The following HINFP variants were observed in gnomAD, a reference collection of about 807,000 sequenced individuals.
HINFP encodes the protein histone H4 transcription factor.
HINFP carries 20 observed loss-of-function variants against 50.1 expected under a neutral mutation model. That is an observed-to-expected ratio of 0.40 (90% CI 0.28 to 0.58). The LOEUF is 0.58. Among genes scored for constraint, HINFP ranks in the 20% least tolerant of loss-of-function variants. The pLI, the probability that HINFP is intolerant of heterozygous loss-of-function variation, is 0.45. For synonymous variants in HINFP, 247 were observed against 243.7 expected (o/e 1.01, Z -0.13); for missense variants, 505 against 664.1 (o/e 0.76, Z 2.63).
At chr11:119,127,386 T>A in intron 2 of HINFP, 1 of 310,286 alleles carries the variant, frequency 3.2e-6, no homozygotes, top group Non-Finnish European at 5.9e-6. Context: ...TCTCTCTGCC[T>A]GTGTTTACAT....
In HINFP at chr11:119,130,894, G is replaced by A; in HGVS notation, c.351G>A (p.Gln117=). The stretch of plus-strand genomic sequence containing the variant: ...TTGGCCCCTGCATCCTGGACTTCCA[G>A]AGCCGGAACGTCATCCCTGATATCC... ...ADLGPCILDF[Q]SRNVIPDIPD... Residue 117 remains glutamine (Q), a synonymous_variant, in exon 3 of 10, where the codon CAG becomes CAA. Transcript: ENST00000350777. The A allele has an allele frequency of 6.2e-7, 1 of 1,614,220 alleles. No homozygotes were observed.
chr11:119,132,067 G>A (rs1393907487), intron 5 of HINFP, 85 bp downstream of exon 5: 1 of 1,463,418 alleles, frequency 6.8e-7, no homozygotes, highest in Non-Finnish European at 9.4e-7. Context: ...GGTGGCCACT[G>A]AAGAGACCTG....
In HINFP at chr11:119,127,007, C is replaced by G. The variant is rs762722469; in HGVS notation, c.63C>G (p.Ser21=). Residue 21 remains serine, a synonymous_variant, in exon 2 of 10, where the codon TCC becomes TCG. Coordinates refer to ENST00000350777, the MANE Select transcript of HINFP (RefSeq NM_198971.3). ...ENLWLQCEWG[S]CSFVCSTMEK... is the part of the protein sequence containing the mutation. ...TGTGGCTACAGTGTGAGTGGGGGTC[C>G]TGCTCCTTTGTGTGCTCAACCATGG... 6.2e-7 allele frequency: 1 copy of G among 1,614,156 alleles called. No homozygotes were observed. The highest frequency in any genetic ancestry group is 1.1e-5 in the South Asian group (1 of 91,080).
Position 119,131,099 on chromosome 11 carries a change from AT to A in HINFP, c.411+151del. 1.3e-6 allele frequency: 1 copy of A among 772,268 alleles called. No individual in the cohort carries two copies. The highest frequency in any genetic ancestry group is 2.2e-6 in the Non-Finnish European group (1 of 448,002). The allele number at this position is 772,268 out of a possible 1,614,324, so 47.8% of individuals were successfully genotyped here. ...TCTTTTGCTCTTTTAAAATTTGTTT[AT>A]TTTTTACACACAGGCTCTTGATCTG... On this transcript the variant is annotated intron_variant, in intron 3 of 9. Coordinates refer to ENST00000350777, the MANE Select transcript of HINFP (RefSeq NM_198971.3). The surrounding 1 kb of genome is among the most constrained non-coding windows in gnomAD (Gnocchi z 4.2).
intron 1 of HINFP, among the ~76,000 whole-genome samples, chr11:119,123,186 A>G (rs924682210): frequency 1.3e-5 from 2 of 149,322 alleles, no homozygotes; most frequent in African/African-American, 4.9e-5. Context: ...AGGAGAATGT[A>G]GAGTATTCAG....
intron 2 of HINFP, among the ~76,000 whole-genome samples, chr11:119,127,678 C>T (rs1372992750): frequency 1.3e-5 from 2 of 151,764 alleles, no homozygotes; most frequent in Non-Finnish European, 2.9e-5. Flanking sequence ...GTTAGGACTG[C>T]AGGCATGTAC....
In HINFP at chr11:119,121,585, T is replaced by C. The variant is rs1005341684; in HGVS notation, c.-65T>C. 15 of 152,356 alleles carry C rather than the reference T, an allele frequency of 9.8e-5. No homozygotes were observed. The highest frequency in any genetic ancestry group is 3.4e-4 in the African/African-American group (14 of 41,556). The allele number at this position is 152,356 out of a possible 1,614,324, so 9.4% of individuals were successfully genotyped here. A position where few individuals can be genotyped will look rare whatever the true frequency, so the allele number is the denominator to read the frequency against. ...TCCTTGACCGTCCCTCAAGCGCCTC[T>C]CCGGAGATGGTCTGAGGTGGGAGAA... On this transcript the variant is annotated 5_prime_UTR_variant, in exon 1 of 10. Transcript: ENST00000350777.
chr11:119,121,980 G>A (rs1947087226), intron 1 of HINFP: 1 of 152,298 alleles, frequency 6.6e-6, no homozygotes, highest in Non-Finnish European at 1.5e-5. Flanking sequence ...GCCTGACCGC[G>A]GAGGTGTCTC....
chr11:119,133,318 C>T, intron 9 of HINFP, 99 bp downstream of exon 9: 5 of 1,448,968 alleles, frequency 3.5e-6, no homozygotes, highest in South Asian at 2.6e-5. Context: ...CGGTGGCTCA[C>T]GCCTGTAATC....
In HINFP at chr11:119,131,067, T is replaced by G. The variant is rs189985561; in HGVS notation, c.411+113T>G. 90 of 886,704 alleles carry G rather than the reference T, an allele frequency of 1.0e-4. No individual in the cohort carries two copies. The highest frequency in any genetic ancestry group is 1.6e-4 in the Non-Finnish European group (86 of 538,912). 54.9% of individuals were successfully genotyped at this position (886,704 alleles called of 1,614,324 possible). On this transcript the variant is annotated intron_variant, in intron 3 of 9. Transcript: ENST00000350777. The surrounding 1 kb of genome is among the most constrained non-coding windows in gnomAD (Gnocchi z 4.2). ...TCCAAGATTCCTGCTAGTATCTCTC[T>G]TCCATTTCTTTTGCTCTTTTAAAAT...
chr11:119,122,413 A>C (rs1947121206), intron 1 of HINFP, among the ~76,000 whole-genome samples: 1 of 152,134 alleles, frequency 6.6e-6, no homozygotes, highest in Non-Finnish European at 1.5e-5. Flanking sequence ...TCTGCTCAGA[A>C]GCTTCTTATA....
At chr11:119,123,050 C>T (rs1000726618) in intron 1 of HINFP, among the ~76,000 whole-genome samples, 2 of 132,460 alleles carry the variant, frequency 1.5e-5, no homozygotes, top group Middle Eastern at 5.6e-3. Flanking sequence ...ATCGCTTGAA[C>T]CTGGGAGGCG....
intron 1 of HINFP, among the ~76,000 whole-genome samples, chr11:119,123,165 CAG>C (rs1947182674): frequency 7.3e-6 from 1 of 136,802 alleles, no homozygotes; most frequent in African/African-American, 2.7e-5. Context: ...CTTGCGTAGG[CAG>C]AGAGTTTTAG....
rs755939326 is a variant in HINFP, at chr11:119,134,459, T to C, written c.1515T>C (p.Leu505=). The change falls in exon 10 of 10, where the codon CTT becomes CTC. Residue 505 remains leucine (L), a synonymous_variant. Coordinates refer to ENST00000350777, the MANE Select transcript of HINFP (RefSeq NM_198971.3). This position sits in a 1 kb window ranked among gnomAD's most constrained non-coding sequence, Gnocchi z 4.3. ...EPPSGGIMEK[L]QGIAEEPEIQ... is the part of the protein sequence containing the mutation. ...CTTCAGGGGGCATCATGGAAAAGCT[T>C]CAAGGAATAGCTGAGGAGCCAGAGA... The C allele has an allele frequency of 1.2e-6, 2 of 1,611,908 alleles. No individual in the cohort carries two copies. Among genetic ancestry groups the C allele is most frequent in the Admixed American group, 1.7e-5 (1 of 59,806 alleles).
Position 119,131,527 on chromosome 11 carries a change from T to C in HINFP, c.412-8T>C. 3 of 1,608,592 alleles carry C rather than the reference T, an allele frequency of 1.9e-6. No individual in the cohort carries two copies. The highest frequency in any genetic ancestry group is 2.6e-6 in the Non-Finnish European group (3 of 1,174,968). ...CTCAGTCCTCACCCCAAGTTGCCCC[T>C]GGCACAGAATTCCTTCGACAATCCT... On this transcript the variant is annotated splice_polypyrimidine_tract_variant and splice_region_variant and intron_variant, in intron 3 of 9. Transcript: ENST00000350777. This position sits in a 1 kb window ranked among gnomAD's most constrained non-coding sequence, Gnocchi z 4.2.
intron 2 of HINFP, chr11:119,127,328 A>G (rs1947464136): frequency 2.2e-6 from 1 of 452,924 alleles, no homozygotes; most frequent in Non-Finnish European, 3.9e-6. Context: ...CCATCCTGCC[A>G]TCAAGAAGTA....
intron 2 of HINFP, chr11:119,130,439 A>G (rs1759310590): frequency 2.6e-6 from 1 of 390,626 alleles, no homozygotes. Flanking sequence ...CACTGGTTGC[A>G]GTTTTATATT....
chr11:119,123,147 AAAAAG>A (rs1947178289), intron 1 of HINFP, among the ~76,000 whole-genome samples: 1 of 151,378 alleles, frequency 6.6e-6, no homozygotes, highest in Non-Finnish European at 1.5e-5. Flanking sequence ...AAAAAAAAAA[AAAAAG>A]AACTTGCGTA....
intron 1 of HINFP, 146 bp from the exon 2 acceptor site, chr11:119,126,789 C>T (rs1947431766): frequency 1.6e-6 from 1 of 638,328 alleles, no homozygotes. Flanking sequence ...AGGAATTACT[C>T]CATCCTTACT....
Sources: allele counts gnomAD v4.1 joint callset (sites outside exome capture counted in the v4.1 genomes callset), GRCh38; gene constraint gnomAD v4.1.1; non-coding constraint Gnocchi (gnomAD v3.1); transcripts MANE v1.5; gene names NCBI Gene and HGNC (gene_info 2026-07-23, HGNC 2026-07-21).